TBX21: variants seen among roughly 807,000 people sequenced by gnomAD.
The protein encoded by TBX21 is T-box transcription factor TBX21.
TBX21 carries 11 observed loss-of-function variants against 52.2 expected under a neutral mutation model. That is an observed-to-expected ratio of 0.21 (90% CI 0.13 to 0.35). The LOEUF (loss-of-function observed/expected upper bound fraction) is 0.35. TBX21 is among the 10% of genes least tolerant of loss of function. TBX21 has a pLI of 1.00. For missense variants in TBX21, 625 were observed against 755.1 expected (o/e 0.83, Z 2.02); for synonymous variants, 300 against 316.1 (o/e 0.95, Z 0.54).
chr17:47,741,445 A>G (rs2143432104), intron 1 of TBX21, among the ~76,000 whole-genome samples: 1 of 152,242 alleles, frequency 6.6e-6, no homozygotes, highest in East Asian at 1.9e-4. Flanking sequence ...GGAATCATAC[A>G]GCATCCCACC....
rs761846117 is a variant in TBX21, at chr17:47,744,258, G to A, written c.832G>A (p.Gly278Arg). 13 of 1,614,068 alleles carry A rather than the reference G, an allele frequency of 8.1e-6. No homozygotes were observed. Among genetic ancestry groups the A allele is most frequent in the South Asian group, 4.4e-5 (4 of 91,090 alleles). ...GCTGCATATCGTTGAGGTGAACGACGGAGAGCCAGAGGCAGCCTGCAACGC... is the reference window on the plus strand; with the variant it reads ...GCTGCATATCGTTGAGGTGAACGACAGAGAGCCAGAGGCAGCCTGCAACGC... ...PRLHIVEVND[G>R]EPEAACNASN... Residue 278 changes from glycine to arginine, a missense_variant, in exon 4 of 6, where the codon GGA (glycine) becomes AGA (arginine). Gly to Arg is a moderately radical substitution (Grantham distance 125). Coordinates refer to ENST00000177694, the MANE Select transcript of TBX21 (RefSeq NM_013351.2).
Position 47,744,975 on chromosome 17 carries a change from C to G in TBX21, c.1217C>G (p.Pro406Arg), listed in dbSNP as rs775948743. ...EAEFRAVSMK[P>R]AFLPSAPGPT... ...GAGTTTCGAGCAGTCAGCATGAAGCCTGCATTCTTGCCCTCTGCCCCTGGG... is the reference window on the plus strand; with the variant it reads ...GAGTTTCGAGCAGTCAGCATGAAGCGTGCATTCTTGCCCTCTGCCCCTGGG... The change falls in exon 6 of 6, where the codon CCT (proline) becomes CGT (arginine). Residue 406 changes from proline (P) to arginine (R), a missense_variant. Pro to Arg is a moderately radical substitution (Grantham distance 103). Coordinates refer to ENST00000177694, the MANE Select transcript of TBX21 (RefSeq NM_013351.2). The G allele has an allele frequency of 1.2e-6, 2 of 1,613,832 alleles. No individual in the cohort carries two copies. The highest frequency in any genetic ancestry group is 2.2e-5 in the South Asian group (2 of 91,088).
chr17:47,743,545 G>A (rs1404941290), intron 3 of TBX21, among the ~76,000 whole-genome samples: 1 of 152,138 alleles, frequency 6.6e-6, no homozygotes, highest in Admixed American at 6.5e-5. Flanking sequence ...GTGGTCCCAG[G>A]GAATAGATGC....
chr17:47,744,461 C>A (rs1302366635), intron 4 of TBX21, 21 bp from the exon 5 acceptor site: 1 of 1,613,980 alleles, frequency 6.2e-7, no homozygotes, highest in Admixed American at 1.7e-5. Context: ...ACTCAGGTGA[C>A]TCTATTTCCC....
At chr17:47,737,075 C>T (rs2032215029) in intron 1 of TBX21, among the ~76,000 whole-genome samples, 1 of 152,122 alleles carries the variant, frequency 6.6e-6, no homozygotes, top group South Asian at 2.1e-4. Flanking sequence ...CAAGGCAGCT[C>T]AGATGGGGCT....
At chr17:47,736,677 C>T (rs2032210228) in intron 1 of TBX21, among the ~76,000 whole-genome samples, 1 of 152,122 alleles carries the variant, frequency 6.6e-6, no homozygotes, top group South Asian at 2.1e-4. Context: ...AGGTTACCTC[C>T]ATACCTTCTC....
At position 47,745,184 on chromosome 17, in the gene TBX21, G is replaced by T; in HGVS notation, c.1426G>T (p.Val476Leu). 1 of 1,614,202 alleles carries T rather than the reference G, an allele frequency of 6.2e-7. No homozygotes were observed. Among genetic ancestry groups the T allele is most frequent in the Non-Finnish European group, 8.5e-7 (1 of 1,180,032 alleles). ...ACCAGAGGACCAGGGTCCCCCCTTG[G>T]TGTGGACTGAGATTGCCCCCATCCG... ...RGPEDQGPPL[V>L]WTEIAPIRPE... The change falls in exon 6 of 6, where the codon GTG (valine) becomes TTG (leucine). Residue 476 changes from valine (V) to leucine (L), a missense_variant. Transcript: ENST00000177694.
chr17:47,739,904 A>G (rs1379228693), intron 1 of TBX21, among the ~76,000 whole-genome samples: 1 of 150,390 alleles, frequency 6.6e-6, no homozygotes, highest in East Asian at 2.0e-4. Flanking sequence ...GACTCTGTCT[A>G]AAAAAAAAGA....
chr17:47,734,598 TGTGTGTGTGTGTATGTGTGTGTGG>T (rs1279499165), intron 1 of TBX21, among the ~76,000 whole-genome samples: 2,498 of 135,070 alleles, frequency 0.018, 10 homozygotes, highest in South Asian at 0.027. Flanking sequence ...TGTGTGTGTG[TGTGTGTGTGTGTATGTGTGTGTGG>T]GTGTGTGTGT....
Position 47,733,427 on chromosome 17 carries a change from G to C in TBX21, c.-28G>C, listed in dbSNP as rs1417939435. The C allele has an allele frequency of 6.8e-7, 1 of 1,467,464 alleles. No individual in the cohort carries two copies. The highest frequency in any genetic ancestry group is 8.9e-7 in the Non-Finnish European group (1 of 1,117,358). The allele number at this position is 1,467,464 out of a possible 1,614,324, so 90.9% of individuals were successfully genotyped here. A position where few individuals can be genotyped will look rare whatever the true frequency, so the allele number is the denominator to read the frequency against. ...CGCGCGGAGGGGCGGGTCCTCGACGGCTACGGGAAGGTGCCAGCCCGCCCC... is the reference window on the plus strand; with the variant it reads ...CGCGCGGAGGGGCGGGTCCTCGACGCCTACGGGAAGGTGCCAGCCCGCCCC... On this transcript the variant is annotated 5_prime_UTR_variant, in exon 1 of 6. Transcript: ENST00000177694. This position sits in a 1 kb window ranked among gnomAD's most constrained non-coding sequence, Gnocchi z 6.6.
At chr17:47,744,117 G>C (rs1182796730) in intron 3 of TBX21, 78 bp from the exon 4 acceptor site, 1 of 1,561,552 alleles carries the variant, frequency 6.4e-7, no homozygotes, top group African/African-American at 1.4e-5. Flanking sequence ...CCTCACGTGG[G>C]GCCAGCTGTT....
At chr17:47,740,184 A>C (rs371158147) in intron 1 of TBX21, among the ~76,000 whole-genome samples, 9 of 151,890 alleles carry the variant, frequency 5.9e-5, no homozygotes, top group Middle Eastern at 3.4e-3. Context: ...TCCTTGCCTC[A>C]GCCTCCAAAG....
rs1042489170 is a variant in TBX21, at chr17:47,742,214, C to A, written c.492-396C>A. 6.6e-6 allele frequency among the ~76,000 whole-genome samples: 1 copy of A among 151,914 alleles called. No individual in the cohort carries two copies. Among genetic ancestry groups the A allele is most frequent in the Non-Finnish European group, 1.5e-5 (1 of 68,002 alleles). ...CCTCCTGAGTAGCTAGGATTACAGG[C>A]GCCCACGACCACACCCAGCTATTTT... On this transcript the variant is annotated intron_variant, in intron 1 of 5. Coordinates refer to ENST00000177694, the MANE Select transcript of TBX21 (RefSeq NM_013351.2). The surrounding 1 kb of genome is among the most constrained non-coding windows in gnomAD (Gnocchi z 4.4).
rs1024617978 is a variant in TBX21, at chr17:47,742,812, C to A, written c.646+48C>A. The A allele has an allele frequency of 1.3e-6, 2 of 1,522,178 alleles. No individual in the cohort carries two copies. The highest frequency in any genetic ancestry group is 2.8e-5 in the African/African-American group (2 of 72,580). The allele number at this position is 1,522,178 out of a possible 1,614,324, so 94.3% of individuals were successfully genotyped here. A position where few individuals can be genotyped will look rare whatever the true frequency, so the allele number is the denominator to read the frequency against. Reference sequence around the variant, plus strand: ...TGGGCTCTGTTTCGCTGGGACTGGGCGCCCCCTGGTGGGCCCACCAAGCCC... The same window carrying A: ...TGGGCTCTGTTTCGCTGGGACTGGGAGCCCCCTGGTGGGCCCACCAAGCCC... On this transcript the variant is annotated intron_variant, in intron 2 of 5. Coordinates refer to ENST00000177694, the MANE Select transcript of TBX21 (RefSeq NM_013351.2). The surrounding 1 kb of genome is among the most constrained non-coding windows in gnomAD (Gnocchi z 4.4).
Position 47,733,364 on chromosome 17 carries a change from C to T in TBX21, c.-91C>T. The T allele has an allele frequency of 7.4e-7, 1 of 1,355,882 alleles. No homozygotes were observed. The highest frequency in any genetic ancestry group is 3.1e-5 in the East Asian group (1 of 31,960). The allele number at this position is 1,355,882 out of a possible 1,614,324, so 84.0% of individuals were successfully genotyped here. On this transcript the variant is annotated 5_prime_UTR_variant, in exon 1 of 6. Transcript: ENST00000177694. This position sits in a 1 kb window ranked among gnomAD's most constrained non-coding sequence, Gnocchi z 6.6. Reference sequence around the variant, plus strand: ...CACCCGGCCCTCGGGTCCCCCGCCCCCTGCTCCCTGCCCATCCCAGCCCAC... The same window carrying T: ...CACCCGGCCCTCGGGTCCCCCGCCCTCTGCTCCCTGCCCATCCCAGCCCAC...
chr17:47,742,875 C>A lies in TBX21; in HGVS notation c.646+111C>A. ...CCTAGACCTTTAACCCCCTCCCACT[C>A]CATCCCACGCCATTGCATCCCTCCT... On this transcript the variant is annotated intron_variant, in intron 2 of 5. Coordinates refer to ENST00000177694, the MANE Select transcript of TBX21 (RefSeq NM_013351.2). The surrounding 1 kb of genome is among the most constrained non-coding windows in gnomAD (Gnocchi z 4.4). The A allele has an allele frequency of 6.8e-7, 1 of 1,460,824 alleles. No homozygotes were observed. Among genetic ancestry groups the A allele is most frequent in the African/African-American group, 1.4e-5 (1 of 70,918 alleles). 90.5% of individuals were successfully genotyped at this position (1,460,824 alleles called of 1,614,324 possible).
Position 47,744,744 on chromosome 17 carries a change from C to T in TBX21, c.990-4C>T. The T allele has an allele frequency of 6.2e-7, 1 of 1,603,320 alleles. No homozygotes were observed. Among genetic ancestry groups the T allele is most frequent in the South Asian group, 1.1e-5 (1 of 90,108 alleles). ...CCGTTTTCTTGCCTTCTATTTTTTTCTAGCATGTACACATCTGTTGACACC... is the reference window on the plus strand; with the variant it reads ...CCGTTTTCTTGCCTTCTATTTTTTTTTAGCATGTACACATCTGTTGACACC... On this transcript the variant is annotated splice_polypyrimidine_tract_variant and splice_region_variant and intron_variant, in intron 5 of 5. Transcript: ENST00000177694.
chr17:47,733,280 G>T lies in TBX21; in HGVS notation c.-175G>T, dbSNP rs2032159787. The T allele has an allele frequency of 2.5e-5, 22 of 872,716 alleles. No homozygotes were observed. The highest frequency in any genetic ancestry group is 3.3e-5 in the Non-Finnish European group (21 of 629,018). The allele number at this position is 872,716 out of a possible 1,614,324, so 54.1% of individuals were successfully genotyped here. Reference sequence around the variant, plus strand: ...AGAGGAAGCCCGAGAGCTGCCGCGCGCCTGCCGGACGAGGGCGTAGAAGCC... The same window carrying T: ...AGAGGAAGCCCGAGAGCTGCCGCGCTCCTGCCGGACGAGGGCGTAGAAGCC... On this transcript the variant is annotated 5_prime_UTR_variant, in exon 1 of 6. Transcript: ENST00000177694. The surrounding 1 kb of genome is among the most constrained non-coding windows in gnomAD (Gnocchi z 6.6).
In TBX21 at chr17:47,745,501, G is replaced by A; in HGVS notation, c.*135G>A. On this transcript the variant is annotated 3_prime_UTR_variant, in exon 6 of 6. Transcript: ENST00000177694. ...CTCTGTTTAGTAGTTGGTTGGGGAA[G>A]TGGGGCTCAAGAAGGATTTTGGGGT... The A allele has an allele frequency of 7.6e-7, 1 of 1,309,338 alleles. No individual in the cohort carries two copies. The allele number at this position is 1,309,338 out of a possible 1,614,324, so 81.1% of individuals were successfully genotyped here.
Sources: allele counts gnomAD v4.1 joint callset (sites outside exome capture counted in the v4.1 genomes callset), GRCh38; gene constraint gnomAD v4.1.1; non-coding constraint Gnocchi (gnomAD v3.1); transcripts MANE v1.5; gene names NCBI Gene and HGNC (gene_info 2026-07-23, HGNC 2026-07-21).